ZNRF1: variants seen among roughly 807,000 people sequenced by gnomAD.
The protein encoded by ZNRF1 is zinc and ring finger 1, also known as E3 ubiquitin-protein ligase ZNRF1.
In ZNRF1, 3 loss-of-function variants were observed where a neutral mutation model predicts 18.4. That is an observed-to-expected ratio of 0.16 (90% CI 0.07 to 0.42). The LOEUF is 0.42. ZNRF1 is among the 10% of genes least tolerant of loss of function. ZNRF1 has a pLI of 0.99. For synonymous variants in ZNRF1, 157 were observed against 144.2 expected, an observed-to-expected ratio of 1.09 and a Z score of -0.64; for missense variants, 310 against 329.8, an observed-to-expected ratio of 0.94 and a Z score of 0.47.
At chr16:75,049,390 G>A (rs949591532) in intron 1 of ZNRF1, among the ~76,000 whole-genome samples, 2 of 150,370 alleles carry the variant, frequency 1.3e-5, no homozygotes, top group East Asian at 2.0e-4. Flanking sequence ...GCAGTAGCAC[G>A]ATCATAGCTT....
chr16:75,086,942 G>C (rs1421388517), intron 1 of ZNRF1, among the ~76,000 whole-genome samples: 2 of 152,142 alleles, frequency 1.3e-5, no homozygotes, highest in Non-Finnish European at 2.9e-5. Context: ...CATCAGCATG[G>C]GGAGGGGGGC....
At chr16:75,104,137 GTTTC>G (rs1323628090) in intron 2 of ZNRF1, 1 of 152,270 alleles carries the variant, frequency 6.6e-6, no homozygotes, top group Non-Finnish European at 1.5e-5. Context: ...ACAATAGGTG[GTTTC>G]TTTTACTTTG....
intron 1 of ZNRF1, among the ~76,000 whole-genome samples, chr16:75,091,424 A>G (rs747981649): frequency 2.0e-5 from 3 of 152,062 alleles, no homozygotes; most frequent in Non-Finnish European, 2.9e-5. Context: ...TTAAAACTGC[A>G]TATGGAAAAT....
At position 75,106,513 on chromosome 16, in the gene ZNRF1, T is replaced by A. The variant is rs1463479257; in HGVS notation, c.658T>A (p.Ser220Thr). ...AGACTCGTGGTTTGAAGTGAACAGA[T>A]CTTGTCCGGAACACCCTGCGGACTG... is the stretch of plus-strand genomic sequence containing the variant. ...CIDSWFEVNR[S>T]CPEHPAD Residue 220 changes from serine (S) to threonine (T), a missense_variant, in exon 4 of 5, where the codon TCT becomes ACT. By Grantham distance (58) the Ser-to-Thr change is moderately conservative. This residue lies in a region of ZNRF1 where 17 missense variants were observed against 38.6 expected (regional missense o/e 0.44). Transcript: ENST00000335325. The A allele has an allele frequency of 6.2e-7, 1 of 1,614,110 alleles. No homozygotes were observed. Among genetic ancestry groups the A allele is most frequent in the South Asian group, 1.1e-5 (1 of 91,082 alleles).
intron 1 of ZNRF1, among the ~76,000 whole-genome samples, chr16:75,021,157 C>T (rs1029595522): frequency 2.6e-5 from 4 of 152,196 alleles, no homozygotes; most frequent in African/African-American, 4.8e-5. Context: ...TCTCCTGCCT[C>T]AGCCTCGCAA....
chr16:75,051,426 C>A (rs1402274910), intron 1 of ZNRF1, among the ~76,000 whole-genome samples: 1 of 151,824 alleles, frequency 6.6e-6, no homozygotes, highest in African/African-American at 2.4e-5. Flanking sequence ...CCAGGGTGGT[C>A]TCAAACTCCT....
intron 1 of ZNRF1, among the ~76,000 whole-genome samples, chr16:75,010,699 C>CTTTTTTTT (rs1567464687): frequency 9.7e-6 from 1 of 103,110 alleles, no homozygotes; most frequent in Non-Finnish European, 1.9e-5. Flanking sequence ...CTGTACTGTA[C>CTTTTTTTT]TGTTTTTTTT....
At chr16:75,032,716 C>A (rs745881715) in intron 1 of ZNRF1, among the ~76,000 whole-genome samples, 15 of 151,988 alleles carry the variant, frequency 9.9e-5, no homozygotes, top group Non-Finnish European at 1.6e-4. Flanking sequence ...AAAAGACAAA[C>A]AATTCAATTA....
At chr16:75,101,320 C>G (rs1003550150) in intron 2 of ZNRF1, among the ~76,000 whole-genome samples, 1 of 152,178 alleles carries the variant, frequency 6.6e-6, no homozygotes, top group African/African-American at 2.4e-5. Context: ...CTTTGGGAGG[C>G]CGAGGTAGGT....
chr16:75,001,276 C>T (rs1229271869), intron 1 of ZNRF1, among the ~76,000 whole-genome samples: 3 of 152,058 alleles, frequency 2.0e-5, no homozygotes, highest in East Asian at 1.9e-4. Flanking sequence ...TCTCTTTCCC[C>T]CCCCCTGCAA....
chr16:75,061,306 G>C (rs900245355), intron 1 of ZNRF1, among the ~76,000 whole-genome samples: 1 of 151,386 alleles, frequency 6.6e-6, no homozygotes, highest in African/African-American at 2.4e-5. Context: ...CACACCCCCA[G>C]TACCCTTCCC....
intron 2 of ZNRF1, chr16:75,095,282 C>T: frequency 5.2e-6 from 1 of 190,604 alleles, no homozygotes; most frequent in Non-Finnish European, 1.1e-5. Context: ...CTTTCCTCCC[C>T]AGGGGACAAC....
intron 1 of ZNRF1, among the ~76,000 whole-genome samples, chr16:75,040,545 A>G (rs957321257): frequency 2.1e-5 from 2 of 94,450 alleles, no homozygotes; most frequent in Admixed American, 1.1e-4. Flanking sequence ...AGTATGTATT[A>G]TTTTCTGTTT....
intron 1 of ZNRF1, among the ~76,000 whole-genome samples, chr16:75,058,475 G>T (rs566556803): frequency 2.2e-4 from 34 of 152,232 alleles, no homozygotes; most frequent in African/African-American, 7.0e-4. Context: ...CAGTCAGCAG[G>T]AACTAAGGAG....
intron 1 of ZNRF1, among the ~76,000 whole-genome samples, chr16:75,071,481 T>A (rs2035870066): frequency 6.6e-6 from 1 of 152,114 alleles, no homozygotes; most frequent in Admixed American, 6.5e-5. Context: ...GATGGTGGCC[T>A]CTCTATGTGG....
At chr16:75,079,413 G>C (rs2035983290) in intron 1 of ZNRF1, among the ~76,000 whole-genome samples, 1 of 152,222 alleles carries the variant, frequency 6.6e-6, no homozygotes, top group Non-Finnish European at 1.5e-5. Context: ...CAGGGAAGCA[G>C]AGGTTGCGGG....
In ZNRF1 at chr16:75,062,347, C is replaced by T. The variant is rs112926600; in HGVS notation, c.425-31225C>T. On this transcript the variant is annotated intron_variant, in intron 1 of 4. Transcript: ENST00000335325. Reference sequence around the variant, plus strand: ...CAGCCTCTCAAGGCATCTCTGAAGGCAGCTGAGAAGTTTCCATCGACAGTG... The same window carrying T: ...CAGCCTCTCAAGGCATCTCTGAAGGTAGCTGAGAAGTTTCCATCGACAGTG... Among the ~76,000 whole-genome samples, 1,056 of 152,364 alleles carry T rather than the reference C, an allele frequency of 6.9e-3. 11 individuals carry two copies. The highest frequency in any genetic ancestry group is 0.024 in the African/African-American group (997 of 41,580).
intron 1 of ZNRF1, among the ~76,000 whole-genome samples, chr16:75,070,913 A>C (rs73614081): frequency 0.023 from 3,566 of 152,214 alleles, 161 homozygotes; most frequent in African/African-American, 0.082. Context: ...ACTATGCTTT[A>C]TCCATTTGTT....
At chr16:75,003,694 T>C (rs149205929) in intron 1 of ZNRF1, among the ~76,000 whole-genome samples, 1 of 152,288 alleles carries the variant, frequency 6.6e-6, no homozygotes, top group Non-Finnish European at 1.5e-5. Flanking sequence ...TGCGCTGGCC[T>C]ACGAGTCAGA....
Sources: gnomAD v4.1 joint callset for allele counts (sites outside exome capture counted in the v4.1 genomes callset) on GRCh38, gnomAD v4.1.1 for gene constraint, gnomAD v4.1.1 regional missense constraint, MANE v1.5 for transcripts, NCBI Gene and HGNC (gene_info 2026-07-23, HGNC 2026-07-21) for gene names.